MPPED1: variants seen among roughly 807,000 people sequenced by gnomAD.
MPPED1 encodes metallophosphoesterase domain containing 1, also known as metallophosphoesterase domain-containing protein 1.
A neutral mutation model predicts 36.2 loss-of-function variants in MPPED1; 16 were observed. The observed-to-expected ratio is 0.44, with a 90% CI of 0.30 to 0.67. The LOEUF (loss-of-function observed/expected upper bound fraction) is 0.67. Among genes scored for constraint, MPPED1 ranks in the 30% least tolerant of loss-of-function variants. The pLI, the probability that MPPED1 is intolerant of heterozygous loss-of-function variation, is 0.10. For missense variants in MPPED1, 307 were observed against 453.4 expected (o/e 0.68, Z 2.93); for synonymous variants, 199 against 191.3 (o/e 1.04, Z -0.33).
rs1932752333 is a variant in MPPED1 at position 43,502,238 on chromosome 22, G to C, written c.749-406G>C. The stretch of plus-strand genomic sequence containing the variant: ...GCCCTGCTCTGCAACTAACCACCAG[G>C]GTGCCTGCCCTTGGGACTCACCCGT... On this transcript the variant is annotated intron_variant, in intron 5 of 6. Coordinates refer to ENST00000443721, the MANE Select transcript of MPPED1 (RefSeq NM_001044370.2). This position sits in a 1 kb window ranked among gnomAD's most constrained non-coding sequence, Gnocchi z 5.5. Among the ~76,000 whole-genome samples the C allele has an allele frequency of 6.6e-6, 1 of 152,022 alleles. No homozygotes were observed. Among genetic ancestry groups the C allele is most frequent in the East Asian group, 1.9e-4 (1 of 5,152 alleles).
At chr22:43,463,809 T>TTCTTTCTTTCTTTTTTTCTTTCTTTC (rs1931045153) in intron 3 of MPPED1, among the ~76,000 whole-genome samples, 2 of 19,656 alleles carry the variant, frequency 1.0e-4, no homozygotes, top group African/African-American at 2.7e-4. Flanking sequence ...ATTTTTTCTT[T>TTCTTTCTTTCTTTTTTTCTTTCTTTC]TCTTTCTTTC....
intron 4 of MPPED1, among the ~76,000 whole-genome samples, chr22:43,475,181 G>C (rs1931505182): frequency 6.6e-6 from 1 of 152,092 alleles, no homozygotes; most frequent in African/African-American, 2.4e-5. Context: ...GCTGTAACCT[G>C]TGTTATGCTA....
chr22:43,432,473 G>GAA (rs1929741800), intron 2 of MPPED1, among the ~76,000 whole-genome samples: 1 of 130,554 alleles, frequency 7.7e-6, no homozygotes, highest in African/African-American at 2.9e-5. Context: ...AGGAGAGAGA[G>GAA]AGAAAGGGAG....
At chr22:43,454,264 C>T (rs796374573) in intron 3 of MPPED1, among the ~76,000 whole-genome samples, 8 of 152,092 alleles carry the variant, frequency 5.3e-5, no homozygotes, top group African/African-American at 1.7e-4. Context: ...CCTCCTTGGC[C>T]TCCCAAAGTA....
chr22:43,455,791 A>G (rs1175886520), intron 3 of MPPED1, among the ~76,000 whole-genome samples: 1 of 152,138 alleles, frequency 6.6e-6, no homozygotes, highest in Non-Finnish European at 1.5e-5. Context: ...CTCCACCCCA[A>G]TTGCTTGAAA....
At chr22:43,497,058 TGGTGGTGGTGGA>T (rs1488168617) in intron 4 of MPPED1, among the ~76,000 whole-genome samples, 6 of 140,956 alleles carry the variant, frequency 4.3e-5, no homozygotes, top group East Asian at 2.2e-4. Context: ...GTGGTGGAGA[TGGTGGTGGTGGA>T]GGTGGTGGTG....
At chr22:43,495,666 AGGT>A (rs1171476388) in intron 4 of MPPED1, among the ~76,000 whole-genome samples, 2 of 52,594 alleles carry the variant, frequency 3.8e-5, no homozygotes, top group African/African-American at 6.9e-5. Flanking sequence ...GTGGTGGTGG[AGGT>A]GGTGGTGGTG....
In MPPED1 at chr22:43,474,121, T is replaced by G. The variant is rs1229087284; in HGVS notation, c.407-615T>G. 1.3e-5 allele frequency among the ~76,000 whole-genome samples: 2 copies of G among 152,078 alleles called. No individual in the cohort carries two copies. Among genetic ancestry groups the G allele is most frequent in the Non-Finnish European group, 2.9e-5 (2 of 68,018 alleles). ...TCTGCAAAGACCTTGCAATTCCTTT[T>G]GGAAAGTGGAGGATAAAGAGTCCAA... On this transcript the variant is annotated intron_variant, in intron 3 of 6. Transcript: ENST00000443721. This position sits in a 1 kb window ranked among gnomAD's most constrained non-coding sequence, Gnocchi z 5.2.
intron 4 of MPPED1, among the ~76,000 whole-genome samples, chr22:43,497,007 TGGA>T (rs1204716594): frequency 7.4e-6 from 1 of 135,724 alleles, no homozygotes; most frequent in Non-Finnish European, 1.6e-5. Flanking sequence ...GTGGTGGTGG[TGGA>T]GGTAGTGGTG....
At chr22:43,460,202 T>C (rs1930898927) in intron 3 of MPPED1, among the ~76,000 whole-genome samples, 1 of 138,192 alleles carries the variant, frequency 7.2e-6, no homozygotes. Context: ...TGAGACTCCA[T>C]CTCAAAAAAC....
At chr22:43,445,727 T>A (rs1299753836) in intron 3 of MPPED1, among the ~76,000 whole-genome samples, 1 of 148,474 alleles carries the variant, frequency 6.7e-6, no homozygotes, top group South Asian at 2.2e-4. Context: ...TGCACCACCA[T>A]GCCTGGCTAA....
At chr22:43,443,103 G>C (rs1372801235) in intron 3 of MPPED1, among the ~76,000 whole-genome samples, 1 of 152,188 alleles carries the variant, frequency 6.6e-6, no homozygotes, top group Non-Finnish European at 1.5e-5. Context: ...CAATGCACAG[G>C]GTAGGCTGGT....
At chr22:43,477,505 C>T (rs979123990) in intron 4 of MPPED1, among the ~76,000 whole-genome samples, 2 of 152,230 alleles carry the variant, frequency 1.3e-5, no homozygotes, top group African/African-American at 4.8e-5. Flanking sequence ...CCACCATGCC[C>T]CAGCAGAGAG....
intron 1 of MPPED1, among the ~76,000 whole-genome samples, chr22:43,423,864 A>G (rs1189963387): frequency 6.6e-6 from 1 of 152,252 alleles, no homozygotes; most frequent in Non-Finnish European, 1.5e-5. Context: ...AACTGAAAAC[A>G]ACGACAAAAA....
At chr22:43,500,968 CG>C (rs1204402130) in intron 5 of MPPED1, among the ~76,000 whole-genome samples, 7 of 152,000 alleles carry the variant, frequency 4.6e-5, no homozygotes, top group African/African-American at 1.2e-4. Flanking sequence ...TGGGGTGAGG[CG>C]CAGGACAGCT....
chr22:43,463,357 G>T, intron 3 of MPPED1, among the ~76,000 whole-genome samples: 1 of 141,894 alleles, frequency 7.0e-6, no homozygotes, highest in African/African-American at 2.7e-5. Flanking sequence ...TTTGAGACAG[G>T]ATCTTGCTCT....
At chr22:43,484,972 C>T (rs1423072601) in intron 4 of MPPED1, among the ~76,000 whole-genome samples, 3 of 152,172 alleles carry the variant, frequency 2.0e-5, no homozygotes, top group Non-Finnish European at 2.9e-5. Flanking sequence ...CAAAGAAATT[C>T]TTCAGTCTCT....
chr22:43,434,980 C>T (rs62234091), intron 2 of MPPED1, 54 bp from the exon 3 acceptor site: 72,294 of 1,573,750 alleles, frequency 0.046, 2,567 homozygotes, highest in African/African-American at 0.19. Context: ...ACACACCACC[C>T]GCAGGCTCGC....
chr22:43,475,466 A>G (rs117019955), intron 4 of MPPED1, among the ~76,000 whole-genome samples: 2 of 508 alleles, frequency 3.9e-3, no homozygotes, highest in Non-Finnish European at 0.01. Flanking sequence ...TAATGATGAT[A>G]TTGGTGATGA....
Sources: allele counts gnomAD v4.1 joint callset (sites outside exome capture counted in the v4.1 genomes callset), GRCh38; gene constraint gnomAD v4.1.1; non-coding constraint Gnocchi (gnomAD v3.1); transcripts MANE v1.5; gene names NCBI Gene and HGNC (gene_info 2026-07-23, HGNC 2026-07-21).